Variants in PCSK6 observed in about 807,000 individuals in gnomAD.
PCSK6 encodes paired basic amino acid cleaving enzyme 4.
In PCSK6, 85 loss-of-function variants were observed where a neutral mutation model predicts 123.3. The observed-to-expected ratio is 0.69, with a 90% CI of 0.58 to 0.83. The LOEUF (loss-of-function observed/expected upper bound fraction) is 0.83, where lower values mean the gene tolerates loss of function less well. Among genes scored for constraint, PCSK6 ranks in the 40% least tolerant of loss-of-function variants. PCSK6 has a pLI of 0.00. For synonymous variants in PCSK6, 508 were observed against 516.0 expected (o/e 0.98, Z 0.21); for missense variants, 1,191 against 1,282.3 (o/e 0.93, Z 1.09).
intron 17 of PCSK6, among the ~76,000 whole-genome samples, chr15:101,324,468 C>T (rs577778486): frequency 6.6e-6 from 1 of 152,210 alleles, no homozygotes; most frequent in African/African-American, 2.4e-5. Context: ...GGAGAAATTA[C>T]AGCACAGACA....
intron 1 of PCSK6, among the ~76,000 whole-genome samples, chr15:101,467,132 G>T (rs1331848068): frequency 6.6e-6 from 1 of 152,018 alleles, no homozygotes; most frequent in Non-Finnish European, 1.5e-5. Flanking sequence ...TGGGAAACAC[G>T]GTTTCCCACT....
At chr15:101,450,002 G>A (rs565570239) in intron 1 of PCSK6, among the ~76,000 whole-genome samples, 60 of 152,062 alleles carry the variant, frequency 3.9e-4, no homozygotes, top group African/African-American at 1.4e-3. Flanking sequence ...CTTCCACCAC[G>A]CCAGAGCAGC....
intron 1 of PCSK6, among the ~76,000 whole-genome samples, chr15:101,454,729 G>A (rs62027206): frequency 0.23 from 34,816 of 151,972 alleles, 4,431 homozygotes; most frequent in South Asian, 0.33. Flanking sequence ...CAGATCACAT[G>A]AGGTCAGGAG....
At chr15:101,409,390 C>T (rs922682341) in intron 6 of PCSK6, among the ~76,000 whole-genome samples, 3 of 152,096 alleles carry the variant, frequency 2.0e-5, no homozygotes, top group Admixed American at 1.3e-4. Flanking sequence ...TCGAGACCAT[C>T]CTGGCTAACA....
intron 6 of PCSK6, among the ~76,000 whole-genome samples, chr15:101,402,992 T>C (rs2042639813): frequency 6.6e-6 from 1 of 152,090 alleles, no homozygotes; most frequent in Admixed American, 6.5e-5. Flanking sequence ...TGTGGCACTA[T>C]TCACAATAGC....
At chr15:101,407,363 T>C (rs1464824637) in intron 6 of PCSK6, among the ~76,000 whole-genome samples, 1 of 152,226 alleles carries the variant, frequency 6.6e-6, no homozygotes, top group African/African-American at 2.4e-5. Flanking sequence ...CTTCCTCTTG[T>C]ATTTTCAGTA....
intron 1 of PCSK6, among the ~76,000 whole-genome samples, chr15:101,460,180 G>A (rs570429902): frequency 4.0e-4 from 60 of 151,804 alleles, no homozygotes; most frequent in African/African-American, 1.3e-3. Flanking sequence ...CCACCCCTCC[G>A]TGTCCTCCTC....
At chr15:101,354,687 A>G (rs1476055130) in intron 13 of PCSK6, among the ~76,000 whole-genome samples, 8 of 152,244 alleles carry the variant, frequency 5.3e-5, no homozygotes. Context: ...TCTCAAATAA[A>G]CATAAAATGG....
chr15:101,427,520 C>G (rs1473844015), intron 6 of PCSK6, among the ~76,000 whole-genome samples: 1 of 152,144 alleles, frequency 6.6e-6, no homozygotes, highest in Non-Finnish European at 1.5e-5. Context: ...AAGCTCTGGT[C>G]CCGGGTAAAA....
chr15:101,467,968 C>T (rs1223569284), intron 1 of PCSK6, among the ~76,000 whole-genome samples: 1 of 152,182 alleles, frequency 6.6e-6, no homozygotes, highest in Non-Finnish European at 1.5e-5. Context: ...CGGGTGGTGG[C>T]TTCACAGGTT....
chr15:101,412,712 T>TATAA (rs376981204), intron 6 of PCSK6, among the ~76,000 whole-genome samples: 8,571 of 136,206 alleles, frequency 0.063, 410 homozygotes, highest in East Asian at 0.15. Context: ...TATATATATA[T>TATAA]AAAATTACCC....
Position 101,337,502 on chromosome 15 carries a change from G to T in PCSK6, c.1859-5471C>A, listed in dbSNP as rs1596198864. On this transcript the variant is annotated intron_variant, in intron 13 of 21. Coordinates refer to ENST00000611716, the MANE Select transcript of PCSK6 (RefSeq NM_002570.5). ...ATTATTAAATGTTGAGATATTTAAA[G>T]AAAAATAAAAATAAATCACCTATAA... The T allele has an allele frequency of 2.0e-5, 3 of 152,222 alleles. No homozygotes were observed. In the East Asian group the frequency reaches 5.8e-4, roughly 29 times the overall value. The allele number at this position is 152,222 out of a possible 1,614,324, so 9.4% of individuals were successfully genotyped here. A position where few individuals can be genotyped will look rare whatever the true frequency, so the allele number is the denominator to read the frequency against.
intron 6 of PCSK6, among the ~76,000 whole-genome samples, chr15:101,423,161 T>C (rs186960079): frequency 1.4e-4 from 21 of 151,826 alleles, no homozygotes; most frequent in African/African-American, 4.8e-4. Flanking sequence ...GAATAAAAGA[T>C]AGATATCATG....
chr15:101,322,630 G>A (rs1253778764), intron 17 of PCSK6, 23 bp from the exon 18 acceptor site: 1 of 1,450,438 alleles, frequency 6.9e-7, no homozygotes, highest in Admixed American at 1.7e-5. Flanking sequence ...AGCGAGATAA[G>A]AAAAGAGAAG....
At chr15:101,352,562 C>T (rs183942959) in intron 13 of PCSK6, among the ~76,000 whole-genome samples, 1 of 152,228 alleles carries the variant, frequency 6.6e-6, no homozygotes, top group African/African-American at 2.4e-5. Flanking sequence ...CAGTCTTTTC[C>T]CACCAGTTTA....
chr15:101,407,293 G>C (rs1437047374), intron 6 of PCSK6, among the ~76,000 whole-genome samples: 1 of 152,232 alleles, frequency 6.6e-6, no homozygotes, highest in Non-Finnish European at 1.5e-5. Context: ...GAAAAGCTAA[G>C]TTGAGGCCCT....
At chr15:101,313,274 A>T in intron 20 of PCSK6, 102 bp downstream of exon 20, 1 of 1,592,662 alleles carries the variant, frequency 6.3e-7, no homozygotes, top group South Asian at 1.1e-5. Flanking sequence ...GTGATGCAAC[A>T]TGCCCTCCCC....
chr15:101,466,230 C>G (rs1041486441), intron 1 of PCSK6, among the ~76,000 whole-genome samples: 2 of 152,132 alleles, frequency 1.3e-5, no homozygotes, highest in Non-Finnish European at 2.9e-5. Context: ...TCTGAGCAGA[C>G]GGTTCTCTAA....
intron 7 of PCSK6, among the ~76,000 whole-genome samples, chr15:101,396,515 T>C (rs3784470): frequency 0.32 from 47,860 of 151,700 alleles, 8,500 homozygotes; most frequent in East Asian, 0.62. Context: ...TTACCCACCC[T>C]CTCCGAAGCT....
Sources: gnomAD v4.1 joint callset for allele counts (sites outside exome capture counted in the v4.1 genomes callset) on GRCh38, gnomAD v4.1.1 for gene constraint, MANE v1.5 for transcripts, NCBI Gene and HGNC (gene_info 2026-07-23, HGNC 2026-07-21) for gene names.